Variants in WIPF1 observed in about 807,000 individuals in gnomAD.
WIPF1 encodes WAS/WASL interacting protein family member 1.
Under a neutral mutation model 35.4 loss-of-function variants are expected in WIPF1, and 13 were observed. The observed-to-expected ratio is 0.37, with a 90% confidence interval of 0.24 to 0.58. The LOEUF (loss-of-function observed/expected upper bound fraction) is 0.58. WIPF1 is among the 20% of genes least tolerant of loss of function. The pLI, the probability that WIPF1 is intolerant of heterozygous loss-of-function variation, is 0.74. For missense variants in WIPF1, 591 were observed against 667.0 expected (o/e 0.89, Z 1.25); for synonymous variants, 267 against 266.3 (o/e 1.00, Z -0.02).
At chr2:174,641,324 G>A (rs557975481) in intron 1 of WIPF1, among the ~76,000 whole-genome samples, 4 of 152,162 alleles carry the variant, frequency 2.6e-5, no homozygotes, top group African/African-American at 9.7e-5. Flanking sequence ...TGATGCTGAG[G>A]GGTTGCAAGA....
intron 3 of WIPF1, among the ~76,000 whole-genome samples, chr2:174,580,575 A>G (rs1685203804): frequency 6.6e-6 from 1 of 152,214 alleles, no homozygotes; most frequent in African/African-American, 2.4e-5. Flanking sequence ...AATCTTGGGG[A>G]CATCTGGCAG....
intron 6 of WIPF1, among the ~76,000 whole-genome samples, 193 bp downstream of exon 6, chr2:174,567,668 G>A (rs1327161628): frequency 1.3e-5 from 2 of 152,270 alleles, no homozygotes; most frequent in Non-Finnish European, 2.9e-5. Flanking sequence ...TTTTTGGGAA[G>A]TGGGGAAGGG....
At chr2:174,628,207 G>C (rs1686909031) in intron 1 of WIPF1, among the ~76,000 whole-genome samples, 1 of 152,138 alleles carries the variant, frequency 6.6e-6, no homozygotes, top group Non-Finnish European at 1.5e-5. Context: ...ATACCTTTCT[G>C]AGCTAATGGT....
Position 174,650,656 on chromosome 2 carries a change from C to T in WIPF1, c.-39+32118G>A, listed in dbSNP as rs75715699. Among the ~76,000 whole-genome samples, 66 of 152,310 alleles carry T rather than the reference C, an allele frequency of 4.3e-4. No homozygotes were observed. The East Asian group carries it at 9.8e-3, about 23-fold the overall frequency. On this transcript the variant is annotated intron_variant, in intron 1 of 8. Transcript: ENST00000272746. ...TAGTATTAAACAGTACATCTCCTGA[C>T]AATATTTTAAACAGAGAAACAGGTA...
intron 1 of WIPF1, chr2:174,682,725 C>T (rs1202617261): frequency 6.6e-6 from 1 of 151,740 alleles, no homozygotes; most frequent in Non-Finnish European, 1.5e-5. Flanking sequence ...CTCCCCCGGC[C>T]CCCGGGAGCC....
Position 174,590,056 on chromosome 2 carries a change from A to AAAAAT in WIPF1, c.-38-4450_-38-4446dup, listed in dbSNP as rs533372782. ...GCTACAAAGTGAGCCCTTTATCTCT[A>AAAAAT]AAAATAAAATAAAATAAAATAAAAA... On this transcript the variant is annotated intron_variant, in intron 1 of 7. Coordinates refer to ENST00000679041, the MANE Select transcript of WIPF1 (RefSeq NM_001375834.1). The surrounding 1 kb of genome is among the most constrained non-coding windows in gnomAD (Gnocchi z 4.6). 2.1e-3 allele frequency among the ~76,000 whole-genome samples: 316 copies of AAAAAT among 152,242 alleles called. 3 individuals are homozygous for AAAAAT. The highest frequency in any genetic ancestry group is 3.5e-3 in the Non-Finnish European group (236 of 68,004).
intron 1 of WIPF1, chr2:174,665,585 A>G (rs1687874067): frequency 6.6e-6 from 1 of 152,222 alleles, no homozygotes; most frequent in Non-Finnish European, 1.5e-5. Flanking sequence ...GCAAATTGCT[A>G]CCTATTCTTT....
At chr2:174,660,553 A>C (rs1687737235) in intron 1 of WIPF1, among the ~76,000 whole-genome samples, 1 of 151,958 alleles carries the variant, frequency 6.6e-6, no homozygotes, top group South Asian at 2.1e-4. Flanking sequence ...GGCTCAGCTG[A>C]TGCTGGAGAC....
At chr2:174,601,552 T>C (rs1473803796), upstream of WIPF1, among the ~76,000 whole-genome samples, 1 of 152,232 alleles carries the variant, frequency 6.6e-6, no homozygotes, top group Admixed American at 6.5e-5. Flanking sequence ...GGAGAGATCA[T>C]GTGGTGGGTA....
At chr2:174,611,955 G>A (rs1220660765) in intron 1 of WIPF1, among the ~76,000 whole-genome samples, 1 of 152,066 alleles carries the variant, frequency 6.6e-6, no homozygotes, top group East Asian at 1.9e-4. Flanking sequence ...AGAGTGCAGT[G>A]GCATGATCAA....
Position 174,611,387 on chromosome 2 carries a change from AC to A in WIPF1, c.-38-25777del, listed in dbSNP as rs202021936. ...ATAAAACAAAAACAAAAACAAACAA[AC>A]AAAAAAACTTGATGATATATTGCTA... is the stretch of plus-strand genomic sequence containing the variant. On this transcript the variant is annotated intron_variant, in intron 1 of 8. Coordinates refer to the WIPF1 transcript ENST00000272746. Among the ~76,000 whole-genome samples the A allele has an allele frequency of 3.4e-3, 524 of 152,304 alleles. 3 individuals carry two copies. The highest frequency in any genetic ancestry group is 0.012 in the African/African-American group (511 of 41,548).
intron 1 of WIPF1, among the ~76,000 whole-genome samples, chr2:174,631,170 C>T (rs1469099962): frequency 6.6e-6 from 1 of 152,130 alleles, no homozygotes; most frequent in South Asian, 2.1e-4. Flanking sequence ...TGCAAACCCA[C>T]GTTCATAGCA....
chr2:174,621,427 G>T (rs1007335541), intron 1 of WIPF1, among the ~76,000 whole-genome samples: 3 of 152,080 alleles, frequency 2.0e-5, no homozygotes, highest in Non-Finnish European at 4.4e-5. Flanking sequence ...TGGAGATCAG[G>T]AGAGGTATAA....
intron 1 of WIPF1, among the ~76,000 whole-genome samples, chr2:174,612,681 T>C (rs898102507): frequency 7.2e-5 from 11 of 152,310 alleles, no homozygotes; most frequent in Middle Eastern, 3.4e-3. Flanking sequence ...ACATGTGCTA[T>C]TATGACGTTT....
At chr2:174,588,662 C>T (rs1685507581) in intron 1 of WIPF1, among the ~76,000 whole-genome samples, 1 of 152,320 alleles carries the variant, frequency 6.6e-6, no homozygotes, top group Non-Finnish European at 1.5e-5. Context: ...GGAGAAATGG[C>T]AACAGTCATG....
chr2:174,585,061 G>C (rs1289683880), intron 2 of WIPF1, among the ~76,000 whole-genome samples: 1 of 152,198 alleles, frequency 6.6e-6, no homozygotes, highest in Non-Finnish European at 1.5e-5. Flanking sequence ...TTGGGAAGAA[G>C]AGGGGAAAAG....
At position 174,568,038 on chromosome 2, in the gene WIPF1, C is replaced by A. The variant is rs765045748; in HGVS notation, c.1165G>T (p.Gly389Cys). Residue 389 changes from glycine (G) to cysteine (C), a missense_variant, in exon 6 of 8, where the codon GGC (glycine) becomes TGC (cysteine). By Grantham distance (159) the Gly-to-Cys change is radical. Transcript: ENST00000679041. ...LPPPPPVSRN[G>C]STSRALPATP... ...GCAGGCAGGGCCCGAGATGTGCTGC[C>A]GTTTCTGCTTACTGGAGGAGGTGGT... 6 of 1,613,216 alleles carry A rather than the reference C, an allele frequency of 3.7e-6. No individual in the cohort carries two copies. The highest frequency in any genetic ancestry group is 5.1e-6 in the Non-Finnish European group (6 of 1,179,996).
At chr2:174,653,355 G>A (rs1687572198) in intron 1 of WIPF1, among the ~76,000 whole-genome samples, 2 of 152,140 alleles carry the variant, frequency 1.3e-5, no homozygotes, top group African/African-American at 4.8e-5. Context: ...TTTTGGGATA[G>A]AAATGGAGCT....
rs1289101117 is a variant in WIPF1, at chr2:174,559,912, C to A, written c.*2635G>T. 1 of 152,500 alleles carries A rather than the reference C, an allele frequency of 6.6e-6. No homozygotes were observed. The highest frequency in any genetic ancestry group is 2.1e-4 in the South Asian group (1 of 4,830). 9.4% of individuals were successfully genotyped at this position (152,500 alleles called of 1,614,324 possible). A position where few individuals can be genotyped will look rare whatever the true frequency, so the allele number is the denominator to read the frequency against. ...CTTAGACATAAAAAAAAGTTGATTT[C>A]TTTTAAATCACAAAGTAAGGCACCA... On this transcript the variant is annotated 3_prime_UTR_variant, in exon 8 of 8. Coordinates refer to ENST00000679041, the MANE Select transcript of WIPF1 (RefSeq NM_001375834.1).
Sources: allele counts gnomAD v4.1 joint callset (sites outside exome capture counted in the v4.1 genomes callset), GRCh38; gene constraint gnomAD v4.1.1; non-coding constraint Gnocchi (gnomAD v3.1); transcripts MANE v1.5; gene names NCBI Gene and HGNC (gene_info 2026-07-23, HGNC 2026-07-21).